The following AAAS variants were observed in gnomAD, a reference collection of about 807,000 sequenced individuals.
AAAS encodes the protein aladin.
A neutral mutation model predicts 75.6 loss-of-function variants in AAAS; 60 were observed. The observed-to-expected ratio is 0.79, with a 90% CI of 0.64 to 0.98. The LOEUF is 0.98. AAAS is among the 50% of genes least tolerant of loss of function. The probability of loss-of-function intolerance (pLI) is 0.00; values close to 1 mark genes in which losing one functional copy is unlikely to be tolerated. For synonymous variants in AAAS, 271 were observed against 265.0 expected, an observed-to-expected ratio of 1.02 and a Z score of -0.22; for missense variants, 658 against 686.9, an observed-to-expected ratio of 0.96 and a Z score of 0.47.
rs1308709413 is a variant in AAAS at position 53,314,430 on chromosome 12, G to C, written c.557C>G (p.Pro186Arg). The change falls in exon 7 of 16, where the codon CCC (proline) becomes CGC (arginine). Residue 186 changes from proline to arginine, a missense_variant. Physicochemically the swap from Pro to Arg is moderately radical, Grantham distance 103 (BLOSUM62 -2). Coordinates refer to ENST00000209873, the MANE Select transcript of AAAS (RefSeq NM_015665.6). ...TCGCTGCAGCCGGTGCTTCAGGGAG[G>C]GGACTATGGTGCTAGGGTGAAGGGG... The part of the protein sequence containing the change: ...RVYNASSTIV[P>R]SLKHRLQRNV... 46 of 1,613,994 alleles carry C rather than the reference G, an allele frequency of 2.9e-5. No homozygotes were observed. In the Admixed American group the frequency reaches 7.7e-4, roughly 27 times the overall value.
Position 53,308,353 on chromosome 12 carries a change from T to C in AAAS, c.1182-4A>G, listed in dbSNP as rs1427208838. 6.2e-7 allele frequency: 1 copy of C among 1,614,158 alleles called. No homozygotes were observed. Among genetic ancestry groups the C allele is most frequent in the East Asian group, 2.2e-5 (1 of 44,888 alleles). On this transcript the variant is annotated splice_region_variant and splice_polypyrimidine_tract_variant and intron_variant, in intron 12 of 15. Transcript: ENST00000209873. The stretch of plus-strand genomic sequence containing the variant: ...GGAGTGAGCCTCTCCCCCAAGCCTG[T>C]GGGTAAGGACAGGTTAGGAGAGTTT...
chr12:53,312,862 AT>A (rs34960645), intron 7 of AAAS, among the ~76,000 whole-genome samples: 115,944 of 135,064 alleles, frequency 0.86, 50,324 homozygotes, highest in Non-Finnish European at 0.96. Context: ...ATATATATAT[AT>A]TTTTTTTTTT....
In AAAS at chr12:53,321,433, C is replaced by T; in HGVS notation, c.33G>A (p.Pro11=). Residue 11 remains proline, a synonymous_variant, in exon 1 of 16, where the codon CCG becomes CCA. Transcript: ENST00000209873. MCSLGLFPPP[P]PRGQVTLYEH... is the part of the protein sequence containing the mutation. ...CATATAGGGTGACTTGACCCCGAGG[C>T]GGTGGAGGAGGGAACAACCCCAGAG... is the stretch of plus-strand genomic sequence containing the variant. The T allele has an allele frequency of 6.2e-7, 1 of 1,614,210 alleles. No homozygotes were observed. Among genetic ancestry groups the T allele is most frequent in the Non-Finnish European group, 8.5e-7 (1 of 1,180,030 alleles).
chr12:53,313,267 G>A (rs1944417888), intron 7 of AAAS, among the ~76,000 whole-genome samples: 7 of 148,788 alleles, frequency 4.7e-5, no homozygotes, highest in Admixed American at 2.0e-4. Context: ...GGGTTCAAGT[G>A]ATTCTTGTGT....
At position 53,308,991 on chromosome 12, in the gene AAAS, T is replaced by G; in HGVS notation, c.965A>C (p.Glu322Ala). The G allele has an allele frequency of 6.2e-7, 1 of 1,614,178 alleles. No individual in the cohort carries two copies. Among genetic ancestry groups the G allele is most frequent in the Non-Finnish European group, 8.5e-7 (1 of 1,180,014 alleles). The change falls in exon 10 of 16, where the codon GAG becomes GCG. Residue 322 changes from glutamate (E) to alanine (A), a missense_variant. By Grantham distance (107) the Glu-to-Ala change is moderately radical. Transcript: ENST00000209873. The part of the protein sequence containing the change: ...RVWEAQMWTC[E>A]RWPTLSGRCQ... The stretch of plus-strand genomic sequence containing the variant: ...GCGCCCTGATAGAGTAGGCCACCTC[T>G]CACAAGTCCACATCTGGGCCTCCCA...
At position 53,309,594 on chromosome 12, in the gene AAAS, C is replaced by T. The variant is rs751377140; in HGVS notation, c.810+7G>A. 1 of 1,613,678 alleles carries T rather than the reference C, an allele frequency of 6.2e-7. No individual in the cohort carries two copies. Among genetic ancestry groups the T allele is most frequent in the Non-Finnish European group, 8.5e-7 (1 of 1,179,878 alleles). ...GAAATGTGCATGAGGGGCAGGGACC[C>T]ACTCACCCGGATAGCAGCATCCACG... On this transcript the variant is annotated splice_region_variant and intron_variant, in intron 8 of 15. Transcript: ENST00000209873.
chr12:53,310,392 T>C (rs1478869801), intron 7 of AAAS, among the ~76,000 whole-genome samples: 1 of 152,130 alleles, frequency 6.6e-6, no homozygotes, highest in Non-Finnish European at 1.5e-5. Context: ...ACCCCGTCTC[T>C]ACTAAAAGTA....
Position 53,315,731 on chromosome 12 carries a change from T to C in AAAS, c.303A>G (p.Glu101=), listed in dbSNP as rs776754274. The change falls in exon 3 of 16, where the codon GAA becomes GAG. Residue 101 remains glutamate, a synonymous_variant. Coordinates refer to ENST00000209873, the MANE Select transcript of AAAS (RefSeq NM_015665.6). The part of the protein sequence containing the change: ...GVLNEIANSE[E]EVFEWVKTAS... Reference sequence around the variant, plus strand: ...GCTGGAGGGAAAAATACTTACCCTCTTCTTCTGAGTTTGCAATTTCATTTA... The same window carrying C: ...GCTGGAGGGAAAAATACTTACCCTCCTCTTCTGAGTTTGCAATTTCATTTA... 38 of 1,613,582 alleles carry C rather than the reference T, an allele frequency of 2.4e-5. No homozygotes were observed. The highest frequency in any genetic ancestry group is 3.2e-5 in the Non-Finnish European group (38 of 1,179,852).
At chr12:53,319,651 A>G (rs1944520251) in intron 2 of AAAS, among the ~76,000 whole-genome samples, 1 of 151,912 alleles carries the variant, frequency 6.6e-6, no homozygotes, top group Non-Finnish European at 1.5e-5. Flanking sequence ...TAAAATACAA[A>G]AAGTTAGCTG....
In AAAS at chr12:53,309,194, T is replaced by C. The variant is rs1169518117; in HGVS notation, c.898A>G (p.Ser300Gly). The C allele has an allele frequency of 6.8e-6, 11 of 1,614,036 alleles. No homozygotes were observed. In the East Asian group the frequency reaches 2.2e-4, roughly 33 times the overall value. Residue 300 changes from serine to glycine, a missense_variant, in exon 9 of 16, where the codon AGC (serine) becomes GGC (glycine). By Grantham distance (56) the Ser-to-Gly change is moderately conservative. Coordinates refer to ENST00000209873, the MANE Select transcript of AAAS (RefSeq NM_015665.6). ...VTNLLWSPDGSKILATTPSAV... is the reference protein window; with the variant it reads ...VTNLLWSPDGGKILATTPSAV... Reference sequence around the variant, plus strand: ...GAAGGAGTGGTAGCCAGGATTTTGCTGCCGTCTGGGGACCAGAGCAGGTTG... The same window carrying C: ...GAAGGAGTGGTAGCCAGGATTTTGCCGCCGTCTGGGGACCAGAGCAGGTTG...
chr12:53,320,409 A>G (rs1944534556), intron 2 of AAAS, among the ~76,000 whole-genome samples, 156 bp downstream of exon 2: 1 of 152,232 alleles, frequency 6.6e-6, no homozygotes, highest in South Asian at 2.1e-4. Flanking sequence ...GAGTTCTATA[A>G]TAAGGACTAA....
At chr12:53,316,433 C>T (rs987677446) in intron 2 of AAAS, among the ~76,000 whole-genome samples, 21 of 146,246 alleles carry the variant, frequency 1.4e-4, no homozygotes, top group African/African-American at 5.1e-4. Context: ...CCAGCCTGGG[C>T]GACAGAGTGA....
chr12:53,307,490 T>TA lies in AAAS; in HGVS notation c.1639dup (p.Ter547LeufsTer?), dbSNP rs1193678595. The TA allele has an allele frequency of 4.3e-6, 7 of 1,611,106 alleles. No individual in the cohort carries two copies. The highest frequency in any genetic ancestry group is 5.9e-6 in the Non-Finnish European group (7 of 1,177,694). On this transcript the variant is annotated frameshift_variant and stop_lost, in exon 16 of 16. Coordinates refer to ENST00000209873, the MANE Select transcript of AAAS (RefSeq NM_015665.6). LOFTEE classifies it high-confidence loss of function. ...AACAAAAGGAAAACTTATTTATTCT[T>TA]AGAGGTGGGAATGTGGGGAGTGGGG...
intron 1 of AAAS, chr12:53,320,935 C>T: frequency 5.3e-6 from 3 of 564,182 alleles, no homozygotes; most frequent in Admixed American, 3.1e-5. Context: ...TAGAAAACAC[C>T]TGACTCAGCC....
At position 53,311,222 on chromosome 12, in the gene AAAS, G is replaced by A. The variant is rs116716985; in HGVS notation, c.690-1501C>T. ...GCCTCCGAAAGTGCTGGAATTACAC[G>A]CATGAGCCATCACGCCTGGCCTTGT... On this transcript the variant is annotated intron_variant, in intron 7 of 15. Coordinates refer to ENST00000209873, the MANE Select transcript of AAAS (RefSeq NM_015665.6). Among the ~76,000 whole-genome samples, 525 of 152,210 alleles carry A rather than the reference G, an allele frequency of 3.4e-3. 1 individual carries two copies. The highest frequency in any genetic ancestry group is 0.012 in the African/African-American group (497 of 41,522).
At chr12:53,309,107 A>G (rs762355009) in intron 9 of AAAS, 50 bp downstream of exon 9, 1 of 1,614,216 alleles carries the variant, frequency 6.2e-7, no homozygotes, top group Admixed American at 1.7e-5. Flanking sequence ...TCCAGGAGCT[A>G]AGTGCCTTTC....
At position 53,309,292 on chromosome 12, in the gene AAAS, G is replaced by A. The variant is rs1001407309; in HGVS notation, c.811-11C>T. ...TGAGACATCCCATACCTAGGAGAGT[G>A]GGGCAGGAGATAAGGGAAAACTCAA... On this transcript the variant is annotated splice_polypyrimidine_tract_variant and intron_variant, in intron 8 of 15. Transcript: ENST00000209873. 6.2e-7 allele frequency: 1 copy of A among 1,613,540 alleles called. No homozygotes were observed. Among genetic ancestry groups the A allele is most frequent in the Non-Finnish European group, 8.5e-7 (1 of 1,179,974 alleles).
At position 53,321,526 on chromosome 12, in the gene AAAS, A is replaced by C. The variant is rs939296105; in HGVS notation, c.-61T>G. The C allele has an allele frequency of 2.5e-6, 4 of 1,610,016 alleles. No individual in the cohort carries two copies. Among genetic ancestry groups the C allele is most frequent in the Non-Finnish European group, 3.4e-6 (4 of 1,179,550 alleles). On this transcript the variant is annotated 5_prime_UTR_variant, in exon 1 of 16. Transcript: ENST00000209873. ...TCCTGGCCGGAACGGCACAGACCGC[A>C]CTCCCGCAACTCGGTTCCCGGGCTA...
At position 53,308,792 on chromosome 12, in the gene AAAS, G is replaced by A; in HGVS notation, c.1020C>T (p.Gly340=). Residue 340 remains glycine (G), a synonymous_variant, in exon 11 of 16, where the codon GGC becomes GGT. Transcript: ENST00000209873. ...RCQTGCWSPD[G]SRLLFTVLGE... ...CCAATACAGTGAACAGCAGTCGGCTGCCATCTGGGCTCCAGCAGCCAGTCT... is the reference window on the plus strand; with the variant it reads ...CCAATACAGTGAACAGCAGTCGGCTACCATCTGGGCTCCAGCAGCCAGTCT... 1 of 1,614,066 alleles carries A rather than the reference G, an allele frequency of 6.2e-7. No individual in the cohort carries two copies. Among genetic ancestry groups the A allele is most frequent in the Non-Finnish European group, 8.5e-7 (1 of 1,180,046 alleles).
Sources: gnomAD v4.1 joint callset for allele counts (sites outside exome capture counted in the v4.1 genomes callset) on GRCh38, gnomAD v4.1.1 for gene constraint, MANE v1.5 for transcripts, NCBI Gene and HGNC (gene_info 2026-07-23, HGNC 2026-07-21) for gene names.